BFSP2: variants seen among roughly 807,000 people sequenced by gnomAD.
BFSP2 encodes the protein phakinin.
In BFSP2, 38 loss-of-function variants were observed where a neutral mutation model predicts 44.9. The observed-to-expected ratio is 0.85, with a 90% CI of 0.65 to 1.11. BFSP2 has a LOEUF of 1.11. Among genes scored for constraint, BFSP2 ranks in the 50% least tolerant of loss-of-function variants. The pLI, the probability that BFSP2 is intolerant of heterozygous loss-of-function variation, is 0.00. For synonymous variants in BFSP2, 197 were observed against 209.9 expected, an observed-to-expected ratio of 0.94 and a Z score of 0.53; for missense variants, 525 against 533.0, an observed-to-expected ratio of 0.99 and a Z score of 0.15.
At chr3:133,426,642 T>G (rs541674450) in intron 1 of BFSP2, among the ~76,000 whole-genome samples, 308 of 152,294 alleles carry the variant, frequency 2.0e-3, no homozygotes, top group Admixed American at 4.6e-3. Context: ...CCATCTTGAT[T>G]CTTCATCTTT....
At chr3:133,407,461 T>G (rs1312598112) in intron 1 of BFSP2, among the ~76,000 whole-genome samples, 1 of 152,216 alleles carries the variant, frequency 6.6e-6, no homozygotes, top group Non-Finnish European at 1.5e-5. Flanking sequence ...ATGTATCAAT[T>G]TAATGCAATC....
chr3:133,429,941 T>C (rs1466983378), intron 1 of BFSP2, among the ~76,000 whole-genome samples: 49 of 150,876 alleles, frequency 3.2e-4, no homozygotes, highest in South Asian at 2.5e-3. Flanking sequence ...GTGCGTGATG[T>C]TCCCCTTCCT....
chr3:133,471,631 G>T (rs1449070639), intron 5 of BFSP2, among the ~76,000 whole-genome samples: 1 of 152,218 alleles, frequency 6.6e-6, no homozygotes, highest in East Asian at 1.9e-4. Flanking sequence ...GCCTGGAGAC[G>T]ACTCATGAGT....
chr3:133,428,555 G>A (rs1203147926), intron 1 of BFSP2, among the ~76,000 whole-genome samples: 2 of 152,000 alleles, frequency 1.3e-5, no homozygotes, highest in Non-Finnish European at 2.9e-5. Context: ...TAGGAAAGGA[G>A]CACCTGTGAT....
intron 6 of BFSP2, among the ~76,000 whole-genome samples, chr3:133,474,476 T>C (rs2074196563): frequency 6.6e-6 from 1 of 152,186 alleles, no homozygotes; most frequent in Non-Finnish European, 1.5e-5. Flanking sequence ...AAATGGAAAA[T>C]ATGTCATCCA....
chr3:133,431,611 G>A (rs11718211), intron 1 of BFSP2, among the ~76,000 whole-genome samples: 61,545 of 152,054 alleles, frequency 0.4, 14,380 homozygotes, highest in East Asian at 0.51. Flanking sequence ...CTGCCCGATC[G>A]CCTCAGAAGC....
At chr3:133,401,001 C>T (rs1288527092) in intron 1 of BFSP2, among the ~76,000 whole-genome samples, 2 of 152,154 alleles carry the variant, frequency 1.3e-5, no homozygotes, top group East Asian at 3.9e-4. Context: ...ATTTTTACAG[C>T]TATTATCCAA....
At chr3:133,473,359 C>G (rs2074184513) in intron 6 of BFSP2, among the ~76,000 whole-genome samples, 1 of 145,622 alleles carries the variant, frequency 6.9e-6, no homozygotes, top group Non-Finnish European at 1.5e-5. Flanking sequence ...TTTGTCACCC[C>G]ATGGTTACCA....
Position 133,418,708 on chromosome 3 carries a change from T to C in BFSP2, c.489+18136T>C, listed in dbSNP as rs1351631792. Among the ~76,000 whole-genome samples the C allele has an allele frequency of 2.0e-5, 3 of 152,236 alleles. No individual in the cohort carries two copies. In the East Asian group the frequency reaches 5.8e-4, roughly 29 times the overall value. On this transcript the variant is annotated intron_variant, in intron 1 of 6. Coordinates refer to ENST00000302334, the MANE Select transcript of BFSP2 (RefSeq NM_003571.4). ...CACCAGCCAAAGACCACTGAGAACA[T>C]ACCTATGTTTTTCCTAACAAAATCA...
At chr3:133,450,602 G>GA (rs2073954668) in intron 4 of BFSP2, 138 bp downstream of exon 4, 1 of 1,028,908 alleles carries the variant, frequency 9.7e-7, no homozygotes, top group South Asian at 1.4e-5. Context: ...CAGAAGAAAT[G>GA]AAAATTAAAA....
chr3:133,403,357 T>C (rs1482976160), intron 1 of BFSP2, among the ~76,000 whole-genome samples: 3 of 152,086 alleles, frequency 2.0e-5, no homozygotes, highest in Admixed American at 1.3e-4. Context: ...CAGCTGCCTC[T>C]TCCCCCCCTT....
At chr3:133,464,663 G>T in intron 4 of BFSP2, among the ~76,000 whole-genome samples, 1 of 133,194 alleles carries the variant, frequency 7.5e-6, no homozygotes, top group South Asian at 2.4e-4. Context: ...AAAATATATA[G>T]TCAGTGTTTT....
intron 1 of BFSP2, among the ~76,000 whole-genome samples, chr3:133,427,578 C>T (rs28615290): frequency 0.84 from 127,443 of 152,224 alleles, 53,574 homozygotes; most frequent in Middle Eastern, 0.94. Context: ...CCCTGCTCCT[C>T]AGCCAGCTTG....
At chr3:133,425,960 G>A (rs1559964362) in intron 1 of BFSP2, among the ~76,000 whole-genome samples, 4 of 1,282 alleles carry the variant, frequency 3.1e-3, no homozygotes, top group African/African-American at 0.011. Flanking sequence ...GGAGGGGGAG[G>A]GGGAGGGGAT....
At chr3:133,422,307 G>A (rs563054310) in intron 1 of BFSP2, among the ~76,000 whole-genome samples, 73 of 152,036 alleles carry the variant, frequency 4.8e-4, no homozygotes, top group Non-Finnish European at 8.2e-4. Context: ...TTAGATAAAG[G>A]CATTGGATCT....
intron 1 of BFSP2, among the ~76,000 whole-genome samples, chr3:133,442,054 C>G (rs1259144331): frequency 1.3e-5 from 2 of 152,220 alleles, no homozygotes; most frequent in African/African-American, 4.8e-5. Flanking sequence ...AACAAGCATG[C>G]AGGGCCTTGA....
intron 4 of BFSP2, among the ~76,000 whole-genome samples, chr3:133,459,062 A>G (rs1050280993): frequency 6.6e-6 from 1 of 152,176 alleles, no homozygotes; most frequent in African/African-American, 2.4e-5. Flanking sequence ...AGGACTGGCC[A>G]GGCACAGTGG....
intron 1 of BFSP2, among the ~76,000 whole-genome samples, chr3:133,423,493 C>T (rs2073613389): frequency 1.3e-5 from 2 of 151,636 alleles, no homozygotes; most frequent in Non-Finnish European, 2.9e-5. Context: ...GACTACACAG[C>T]CCTCTGACAT....
rs59331608 is a variant in BFSP2 at position 133,466,677 on chromosome 3, C to CAAA, written c.892-133_892-131dup. ...GCTACAGAGCGAGACTTCATCTCAA[C>CAAA]AAAAAAAAAAAAAAAAAAAAGATGT... is the stretch of plus-strand genomic sequence containing the variant. On this transcript the variant is annotated intron_variant, in intron 4 of 6. Coordinates refer to ENST00000302334, the MANE Select transcript of BFSP2 (RefSeq NM_003571.4). 1.2e-3 allele frequency: 322 copies of CAAA among 258,852 alleles called. 7 individuals are homozygous for CAAA. The highest frequency in any genetic ancestry group is 1.6e-3 in the Non-Finnish European group (236 of 147,650). The allele number at this position is 258,852 out of a possible 1,614,324, so 16.0% of individuals were successfully genotyped here. A position where few individuals can be genotyped will look rare whatever the true frequency, so the allele number is the denominator to read the frequency against.
Sources: allele counts gnomAD v4.1 joint callset (sites outside exome capture counted in the v4.1 genomes callset), GRCh38; gene constraint gnomAD v4.1.1; transcripts MANE v1.5; gene names NCBI Gene and HGNC (gene_info 2026-07-23, HGNC 2026-07-21).